The following NPSR1 variants were observed in gnomAD, a reference collection of about 807,000 sequenced individuals.
The protein encoded by NPSR1 is neuropeptide S receptor 1.
NPSR1 carries 48 observed loss-of-function variants against 46.9 expected under a neutral mutation model. The observed-to-expected ratio is 1.02, with a 90% CI of 0.81 to 1.30. The LOEUF (loss-of-function observed/expected upper bound fraction) is 1.30, where lower values mean the gene tolerates loss of function less well. NPSR1 is among the 50% of genes most tolerant of loss of function. NPSR1 has a pLI of 0.00. For synonymous variants in NPSR1, 176 were observed against 168.1 expected, an observed-to-expected ratio of 1.05 and a Z score of -0.36; for missense variants, 450 against 449.5, an observed-to-expected ratio of 1.00 and a Z score of -0.01.
intron 2 of NPSR1, among the ~76,000 whole-genome samples, chr7:34,701,981 T>A (rs1235271501): frequency 2.0e-5 from 3 of 152,238 alleles, no homozygotes; most frequent in Non-Finnish European, 4.4e-5. Context: ...CAAATAATGC[T>A]GGCTTAAGTT....
chr7:34,850,034 T>C (rs1790887934), downstream of NPSR1: 1 of 970,138 alleles, frequency 1.0e-6, no homozygotes, highest in Non-Finnish European at 1.2e-6. Flanking sequence ...CTCATTACAA[T>C]AGAAGAAAAT....
At chr7:34,711,031 C>A in intron 2 of NPSR1, 1 of 359,476 alleles carries the variant, frequency 2.8e-6, no homozygotes, top group South Asian at 2.5e-5. Flanking sequence ...TGGCATTTGT[C>A]ATCAGGATCA....
intron 4 of NPSR1, among the ~76,000 whole-genome samples, chr7:34,819,264 C>T (rs887723299): frequency 6.6e-6 from 1 of 152,182 alleles, no homozygotes; most frequent in Non-Finnish European, 1.5e-5. Flanking sequence ...AGGATATGAA[C>T]AGACACTTCT....
chr7:34,861,776 GATGCATGGTTCAGCCATT>G (rs982919634), intron 8 of NPSR1, among the ~76,000 whole-genome samples: 2 of 151,854 alleles, frequency 1.3e-5, no homozygotes, highest in Admixed American at 1.3e-4. Flanking sequence ...GCAAATTCAT[GATGCATGGTTCAGCCATT>G]CCTTTTCATC....
chr7:34,820,959 G>A (rs1490624965), intron 4 of NPSR1, among the ~76,000 whole-genome samples: 1 of 152,018 alleles, frequency 6.6e-6, no homozygotes, highest in Admixed American at 6.6e-5. Context: ...TGATGTTAAC[G>A]CTGGAGAGGT....
chr7:34,873,388 C>T (rs923403146), intron 8 of NPSR1, among the ~76,000 whole-genome samples: 30 of 151,660 alleles, frequency 2.0e-4, no homozygotes, highest in Admixed American at 4.6e-4. Flanking sequence ...GCCATTCTTA[C>T]ACTGCTATAA....
intron 2 of NPSR1, chr7:34,752,059 A>G: frequency 1.5e-6 from 1 of 649,818 alleles, no homozygotes; most frequent in South Asian, 1.7e-5. Context: ...AGAGAGTTTT[A>G]TTTTCTGCAA....
intron 2 of NPSR1, among the ~76,000 whole-genome samples, chr7:34,766,001 G>T (rs1283875802): frequency 6.6e-6 from 1 of 152,134 alleles, no homozygotes; most frequent in Non-Finnish European, 1.5e-5. Flanking sequence ...ATATACCCAT[G>T]TAATAAGCCT....
At chr7:34,660,216 G>C (rs764662942) in intron 1 of NPSR1, 163 of 402,124 alleles carry the variant, frequency 4.1e-4, no homozygotes, top group Non-Finnish European at 2.8e-4. Flanking sequence ...ACTGGACAAG[G>C]AGAAAAGCAG....
chr7:34,744,175 T>C (rs533163889), intron 2 of NPSR1, among the ~76,000 whole-genome samples: 104 of 152,244 alleles, frequency 6.8e-4, no homozygotes, highest in Non-Finnish European at 1.3e-3. Context: ...TTAGAATTGC[T>C]ATATCTTCCT....
intron 2 of NPSR1, among the ~76,000 whole-genome samples, chr7:34,748,017 G>T (rs1232586122): frequency 6.6e-6 from 1 of 152,256 alleles, no homozygotes; most frequent in Middle Eastern, 3.4e-3. Context: ...TTTGGCCAGA[G>T]AACATAATTG....
intron 2 of NPSR1, among the ~76,000 whole-genome samples, chr7:34,759,269 T>C (rs75985874): frequency 0.021 from 3,203 of 152,288 alleles, 105 homozygotes; most frequent in African/African-American, 0.073. Flanking sequence ...ATCAATGCTA[T>C]AAAGGTTTCC....
intron 7 of NPSR1, among the ~76,000 whole-genome samples, chr7:34,846,491 T>C (rs1179180314): frequency 6.6e-6 from 1 of 151,972 alleles, no homozygotes; most frequent in Non-Finnish European, 1.5e-5. Flanking sequence ...AATAAGAAAA[T>C]AATCTAAAAT....
Position 34,684,718 on chromosome 7 carries a change from A to G in NPSR1, c.280+34A>G, listed in dbSNP as rs753101691. ...CTATGCAAGTGAGAGGCAGGAAGCT[A>G]TATGTGAAGTCCCTATGGCTTCCTG... On this transcript the variant is annotated intron_variant, in intron 2 of 8. Coordinates refer to ENST00000360581, the MANE Select transcript of NPSR1 (RefSeq NM_207172.2). 6.4e-6 allele frequency: 10 copies of G among 1,567,236 alleles called. No homozygotes were observed. In the Admixed American group the frequency reaches 1.9e-4, roughly 30 times the overall value.
intron 3 of NPSR1, among the ~76,000 whole-genome samples, chr7:34,806,692 G>A (rs325458): frequency 0.33 from 49,556 of 151,946 alleles, 8,966 homozygotes; most frequent in African/African-American, 0.5. Flanking sequence ...TGGTTCATCA[G>A]TTTTAACAAA....
At position 34,874,806 on chromosome 7, in the gene NPSR1, T is replaced by G. The variant is rs146375276; in HGVS notation, c.1026-3270T>G. Among the ~76,000 whole-genome samples, 1,009 of 152,126 alleles carry G rather than the reference T, an allele frequency of 6.6e-3. 10 individuals carry two copies. Among genetic ancestry groups the G allele is most frequent in the African/African-American group, 0.021 (882 of 41,462 alleles). ...GGTCCCATGTGAGTACCAAGTTAAA[T>G]GACCCCAGCAGGCCATGTTGGTTCC... On this transcript the variant is annotated intron_variant, in intron 8 of 8. Coordinates refer to the NPSR1 transcript ENST00000359791.
chr7:34,835,995 GAC>G (rs535917612), intron 6 of NPSR1, among the ~76,000 whole-genome samples: 163 of 152,326 alleles, frequency 1.1e-3, no homozygotes, highest in Admixed American at 1.8e-3. Context: ...GGTCCAGTGA[GAC>G]ACAGAGTCAT....
At chr7:34,744,141 CTTACT>C (rs994228869) in intron 2 of NPSR1, among the ~76,000 whole-genome samples, 1 of 152,036 alleles carries the variant, frequency 6.6e-6, no homozygotes, top group African/African-American at 2.4e-5. Flanking sequence ...CTATTATTTT[CTTACT>C]TTATTTATTC....
chr7:34,661,190 T>G (rs2128668315), intron 1 of NPSR1, among the ~76,000 whole-genome samples: 1 of 152,204 alleles, frequency 6.6e-6, no homozygotes, highest in African/African-American at 2.4e-5. Flanking sequence ...TAACCAAGTT[T>G]CCACCCATCA....
Sources: allele counts gnomAD v4.1 joint callset (sites outside exome capture counted in the v4.1 genomes callset), GRCh38; gene constraint gnomAD v4.1.1; transcripts MANE v1.5; gene names NCBI Gene and HGNC (gene_info 2026-07-23, HGNC 2026-07-21).